Variants in SUMF1 observed in about 807,000 individuals in gnomAD.
SUMF1 encodes the protein formylglycine-generating enzyme.
In SUMF1, 48 loss-of-function variants were observed where a neutral mutation model predicts 47.6. That is an observed-to-expected ratio of 1.01 (90% CI 0.80 to 1.28). SUMF1 has a LOEUF of 1.28. Among genes scored for constraint, SUMF1 ranks in the 50% most tolerant of loss-of-function variants. SUMF1 has a pLI of 0.00. For synonymous variants in SUMF1, 230 were observed against 192.1 expected (o/e 1.20, Z -1.63); for missense variants, 571 against 485.4 (o/e 1.18, Z -1.66).
chr3:4,325,082 A>G (rs1199842421), intron 8 of SUMF1, among the ~76,000 whole-genome samples: 1 of 152,116 alleles, frequency 6.6e-6, no homozygotes, highest in Non-Finnish European at 1.5e-5. Context: ...TGACTATCAC[A>G]AGATCAGCAT....
intron 8 of SUMF1, among the ~76,000 whole-genome samples, chr3:4,077,189 T>C (rs1574862093): frequency 6.6e-6 from 1 of 152,056 alleles, no homozygotes; most frequent in East Asian, 1.9e-4. Context: ...GAAACAGGAA[T>C]GCTTTTACAC....
At chr3:4,301,373 G>A (rs947985062) in intron 8 of SUMF1, among the ~76,000 whole-genome samples, 2 of 152,214 alleles carry the variant, frequency 1.3e-5, no homozygotes, top group East Asian at 3.8e-4. Flanking sequence ...TCATAAGACA[G>A]AATATAGAAG....
intron 8 of SUMF1, among the ~76,000 whole-genome samples, chr3:4,092,644 A>G (rs563728159): frequency 6.6e-6 from 1 of 152,268 alleles, no homozygotes; most frequent in East Asian, 1.9e-4. Context: ...AAAGTGACCA[A>G]CTACTTATAG....
chr3:4,328,343 T>C (rs1340645798), intron 8 of SUMF1, among the ~76,000 whole-genome samples: 1 of 152,102 alleles, frequency 6.6e-6, no homozygotes, highest in African/African-American at 2.4e-5. Flanking sequence ...CAAAATAAGA[T>C]AGCGTATTAG....
Position 4,303,340 on chromosome 3 carries a change from C to G in SUMF1, c.1014+72990G>C, listed in dbSNP as rs761595880. On this transcript the variant is annotated intron_variant and NMD_transcript_variant, in intron 8 of 12. Coordinates refer to the SUMF1 transcript ENST00000448413. ...CATCCACCGCGCGGCCCAGGACTGT[C>G]AGGGTAGTGGGCGTTGCGTGAGGCG... The G allele has an allele frequency of 1.9e-5, 29 of 1,519,314 alleles. No individual in the cohort carries two copies. In the African/African-American group the frequency reaches 3.6e-4, roughly 19 times the overall value. The allele number at this position is 1,519,314 out of a possible 1,614,324, so 94.1% of individuals were successfully genotyped here.
intron 8 of SUMF1, among the ~76,000 whole-genome samples, chr3:4,077,699 T>A (rs1384049756): frequency 1.3e-5 from 2 of 151,978 alleles, no homozygotes; most frequent in Non-Finnish European, 2.9e-5. Flanking sequence ...GAGAAATACC[T>A]AATGTAAATG....
intron 8 of SUMF1, among the ~76,000 whole-genome samples, chr3:4,285,808 C>G (rs1271257032): frequency 1.3e-5 from 2 of 152,090 alleles, no homozygotes; most frequent in Non-Finnish European, 2.9e-5. Context: ...ATGCACACAA[C>G]TGCCAAAATG....
chr3:4,444,194 G>A (rs1483557292), intron 3 of SUMF1, among the ~76,000 whole-genome samples: 1 of 152,146 alleles, frequency 6.6e-6, no homozygotes, highest in East Asian at 1.9e-4. Context: ...AAAAATAAAT[G>A]TGAACCAAAG....
chr3:4,437,556 T>C (rs1004404068), intron 3 of SUMF1, among the ~76,000 whole-genome samples: 1 of 152,132 alleles, frequency 6.6e-6, no homozygotes, highest in African/African-American at 2.4e-5. Context: ...AACTAAAGTC[T>C]TAACTGAAAG....
chr3:4,317,857 G>A (rs906014132), intron 8 of SUMF1, among the ~76,000 whole-genome samples: 1 of 152,170 alleles, frequency 6.6e-6, no homozygotes, highest in African/African-American at 2.4e-5. Context: ...TTCAATAAAT[G>A]TAAATTATTA....
chr3:4,193,711 G>T (rs889833099), intron 8 of SUMF1, among the ~76,000 whole-genome samples: 18 of 152,184 alleles, frequency 1.2e-4, no homozygotes, highest in African/African-American at 3.6e-4. Context: ...AGGGATTTCA[G>T]AAGTAGCATG....
At chr3:4,344,754 C>A (rs535038578) in intron 8 of SUMF1, among the ~76,000 whole-genome samples, 1 of 152,182 alleles carries the variant, frequency 6.6e-6, no homozygotes, top group East Asian at 1.9e-4. Flanking sequence ...GGAACATGTT[C>A]TAACCCAATG....
chr3:4,368,218 CA>C (rs1427814811), intron 8 of SUMF1, among the ~76,000 whole-genome samples: 5 of 152,248 alleles, frequency 3.3e-5, no homozygotes, highest in African/African-American at 1.2e-4. Context: ...TTTGTGCAGC[CA>C]AAAGACACAT....
intron 8 of SUMF1, among the ~76,000 whole-genome samples, chr3:4,118,061 A>T (rs933476291): frequency 6.6e-6 from 1 of 152,086 alleles, no homozygotes; most frequent in African/African-American, 2.4e-5. Flanking sequence ...TGGTCAGGAC[A>T]TATCAGGGCG....
intron 8 of SUMF1, among the ~76,000 whole-genome samples, chr3:4,235,636 T>C (rs1448439840): frequency 1.3e-5 from 2 of 152,104 alleles, no homozygotes; most frequent in East Asian, 1.9e-4. Flanking sequence ...ATGTATTACC[T>C]CTATGTACTT....
At chr3:4,433,259 G>T (rs1030918411) in intron 3 of SUMF1, among the ~76,000 whole-genome samples, 2 of 152,148 alleles carry the variant, frequency 1.3e-5, no homozygotes, top group Non-Finnish European at 2.9e-5. Flanking sequence ...GACATGAAAA[G>T]AAATTTAAGG....
In SUMF1 at chr3:4,449,258, T is replaced by C. The variant is rs1702886109; in HGVS notation, c.519+8A>G. Reference sequence around the variant, plus strand: ...AGAAATACAGGAGCCTGTTGAAACATTACTTACTGCCTGTTGAATATTGGT... The same window carrying C: ...AGAAATACAGGAGCCTGTTGAAACACTACTTACTGCCTGTTGAATATTGGT... On this transcript the variant is annotated splice_region_variant and intron_variant, in intron 3 of 8. Transcript: ENST00000272902. The C allele has an allele frequency of 6.2e-7, 1 of 1,614,136 alleles. No individual in the cohort carries two copies. Among genetic ancestry groups the C allele is most frequent in the Non-Finnish European group, 8.5e-7 (1 of 1,179,980 alleles).
chr3:4,088,690 C>T (rs1389380463), intron 8 of SUMF1, among the ~76,000 whole-genome samples: 1 of 152,088 alleles, frequency 6.6e-6, no homozygotes, highest in Non-Finnish European at 1.5e-5. Flanking sequence ...GTCCCCAGCG[C>T]CTAGGATGGA....
At chr3:4,288,761 T>C (rs994517297) in intron 8 of SUMF1, among the ~76,000 whole-genome samples, 3 of 151,182 alleles carry the variant, frequency 2.0e-5, no homozygotes, top group African/African-American at 7.3e-5. Context: ...CAAGATCGTG[T>C]CATTTGCACT....
Sources: gnomAD v4.1 joint callset for allele counts (sites outside exome capture counted in the v4.1 genomes callset) on GRCh38, gnomAD v4.1.1 for gene constraint, MANE v1.5 for transcripts, NCBI Gene and HGNC (gene_info 2026-07-23, HGNC 2026-07-21) for gene names.